Variants in CUL4B observed in about 807,000 individuals in gnomAD.
The protein encoded by CUL4B is cullin 4B.
CUL4B carries 1 observed loss-of-function variant against 69.2 expected under a neutral mutation model. The observed-to-expected ratio is 0.01, with a 90% confidence interval of 0.01 to 0.07. The LOEUF (loss-of-function observed/expected upper bound fraction) is 0.07, where lower values mean the gene tolerates loss of function less well. Ranked by LOEUF, CUL4B falls within the 10% of genes least tolerant of loss-of-function variation. CUL4B has a pLI of 1.00. For missense variants in CUL4B, 328 were observed against 638.8 expected, an observed-to-expected ratio of 0.51 and a Z score of 5.24; for synonymous variants, 237 against 223.2, an observed-to-expected ratio of 1.06 and a Z score of -0.55.
upstream of CUL4B, among the ~76,000 whole-genome samples, chrX:120,565,009 G>A (rs1174843855): frequency 1.8e-5 from 2 of 112,599 alleles, no homozygotes; most frequent in African/African-American, 6.5e-5. Flanking sequence ...TATGTGTAAA[G>A]GAAGAAATAC....
At chrX:120,551,332 G>C (rs906779740) in intron 2 of CUL4B, among the ~76,000 whole-genome samples, 1 of 109,985 alleles carries the variant, frequency 9.1e-6, no homozygotes, top group Admixed American at 9.7e-5. Flanking sequence ...CAAGTAGCTG[G>C]GATTACAAGC....
chrX:120,535,726 A>AG (rs1293965333), intron 16 of CUL4B, 104 bp downstream of exon 16: 3 of 464,129 alleles, frequency 6.5e-6, no homozygotes, highest in South Asian at 2.9e-5. Flanking sequence ...AAAAAAAAAA[A>AG]AAGAAGAAAA....
chrX:120,560,034 T>G (rs769768844), intron 1 of CUL4B, 49 bp downstream of exon 1: 2 of 1,211,346 alleles, frequency 1.7e-6, no homozygotes, highest in South Asian at 3.5e-5. Context: ...ACGTGACCCC[T>G]CGAGTGTCAA....
At position 120,560,535 on chromosome X, in the gene CUL4B, G is replaced by C; in HGVS notation, c.104C>G (p.Ser35Cys). ...GCTGTTTAACTTTCTCTTCTTGGCA[G>C]AGGTGGGCGGAGTGGTGCTGGTATT... ...DGNTSTTPPTSAKKRKLNSSS... is the reference protein window; with the variant it reads ...DGNTSTTPPTCAKKRKLNSSS... Residue 35 changes from serine to cysteine, a missense_variant, in exon 1 of 20, where the codon TCT becomes TGT. This residue lies in a region of CUL4B where 102 missense variants were observed against 122.1 expected (regional missense o/e 0.84). Coordinates refer to ENST00000371322, the MANE Select transcript of CUL4B (RefSeq NM_001079872.2). 3 of 1,208,749 alleles carry C rather than the reference G, an allele frequency of 2.5e-6. No individual in the cohort carries two copies.
upstream of CUL4B, among the ~76,000 whole-genome samples, chrX:120,565,437 A>G (rs1925466066): frequency 9.2e-6 from 1 of 109,237 alleles, no homozygotes; most frequent in Non-Finnish European, 1.9e-5. Context: ...TAATCCCAGC[A>G]CTTTGGGAGG....
intron 2 of CUL4B, among the ~76,000 whole-genome samples, chrX:120,557,410 C>A (rs1420875332): frequency 9.0e-6 from 1 of 111,727 alleles, no homozygotes; most frequent in Admixed American, 9.5e-5. Flanking sequence ...TGCTGGACTA[C>A]AAACTGCTAC....
In CUL4B at chrX:120,523,927, T is replaced by C. The variant is rs181051838; in HGVS notation, c.*2834A>G. ...TGGCAATTTTATGTAAATAAGAGAA[T>C]AGAACACGCTCACAACACTCCTGCC... On this transcript the variant is annotated 3_prime_UTR_variant, in exon 20 of 20. Coordinates refer to ENST00000371322, the MANE Select transcript of CUL4B (RefSeq NM_001079872.2). 9.0e-6 allele frequency among the ~76,000 whole-genome samples: 1 copy of C among 111,679 alleles called. No individual in the cohort carries two copies. The highest frequency in any genetic ancestry group is 3.2e-5 in the African/African-American group (1 of 30,832).
intron 19 of CUL4B, among the ~76,000 whole-genome samples, chrX:120,529,127 G>A (rs533223541): frequency 1.8e-5 from 2 of 111,475 alleles, no homozygotes; most frequent in Non-Finnish European, 3.8e-5. Flanking sequence ...TAACTACAGC[G>A]ATCCCCTAAT....
chrX:120,573,783 T>C (rs1925777863), intron 2 of CUL4B, among the ~76,000 whole-genome samples: 1 of 112,479 alleles, frequency 8.9e-6, no homozygotes, highest in Non-Finnish European at 1.9e-5. Context: ...TTATTAATTG[T>C]TTCATTACGC....
chrX:120,541,490 ACT>A (rs1923990487), intron 10 of CUL4B, 110 bp downstream of exon 10: 1 of 576,603 alleles, frequency 1.7e-6, no homozygotes, highest in African/African-American at 2.3e-5. Context: ...CGAGAGCAAA[ACT>A]CTGTCTCAAA....
intron 2 of CUL4B, among the ~76,000 whole-genome samples, chrX:120,572,301 T>A (rs1462329607): frequency 2.8e-5 from 3 of 108,232 alleles, no homozygotes; most frequent in African/African-American, 1.0e-4. Flanking sequence ...CTGTCTTTAC[T>A]TAAAAAATAT....
At chrX:120,573,103 G>A (rs1287210517) in intron 2 of CUL4B, among the ~76,000 whole-genome samples, 1 of 111,653 alleles carries the variant, frequency 9.0e-6, no homozygotes. Flanking sequence ...AATTAAAAGT[G>A]TCTTTTACCT....
chrX:120,537,628 C>T (rs1044134017), intron 14 of CUL4B, among the ~76,000 whole-genome samples: 1 of 112,008 alleles, frequency 8.9e-6, no homozygotes, highest in Non-Finnish European at 1.9e-5. Context: ...GTAAAGAAGT[C>T]ACTACTAAAA....
chrX:120,574,560 T>C, exon 2 of CUL4B: 1 of 1,202,672 alleles, frequency 8.3e-7, no homozygotes, highest in East Asian at 3.0e-5. Flanking sequence ...CCACCGTCTT[T>C]AGAGGTAGTA....
chrX:120,556,418 T>C (rs1463904901), intron 2 of CUL4B, among the ~76,000 whole-genome samples: 1 of 112,151 alleles, frequency 8.9e-6, no homozygotes, highest in African/African-American at 3.2e-5. Flanking sequence ...TGATACCATC[T>C]TATATTTGTA....
downstream of CUL4B, among the ~76,000 whole-genome samples, chrX:120,567,360 CAGGTGAT>C (rs1925585770): frequency 9.1e-6 from 1 of 109,740 alleles, no homozygotes; most frequent in Non-Finnish European, 1.9e-5. Flanking sequence ...CTCCTGACCT[CAGGTGAT>C]CCGCCCACCT....
chrX:120,552,189 A>G (rs1299134434), intron 2 of CUL4B, among the ~76,000 whole-genome samples: 1 of 112,392 alleles, frequency 8.9e-6, no homozygotes, highest in East Asian at 2.8e-4. Flanking sequence ...CTTGCCTCAC[A>G]AACAACTATT....
At position 120,532,533 on chromosome X, in the gene CUL4B, C is replaced by T. The variant is rs1232887429; in HGVS notation, c.2328G>A (p.Ala776=). 10 of 1,207,456 alleles carry T rather than the reference C, an allele frequency of 8.3e-6. No homozygotes were observed. Among genetic ancestry groups the T allele is most frequent in the Middle Eastern group, 2.3e-4 (1 of 4,373 alleles). Residue 776 remains alanine, a synonymous_variant, in exon 18 of 20, where the codon GCG becomes GCA. Transcript: ENST00000371322. ...SLACGKARVL[A]KNPKGKDIED... is the part of the protein sequence containing the mutation. The stretch of plus-strand genomic sequence containing the variant: ...CAATGTCTTTGCCCTTTGGATTTTT[C>T]GCCAGAACTCTAGCTTTGCCACAGG...
intron 1 of CUL4B, 137 bp from the exon 2 acceptor site, chrX:120,558,176 C>G: frequency 2.2e-6 from 1 of 451,514 alleles, no homozygotes; most frequent in South Asian, 3.4e-5. Context: ...ATTAAAGTAA[C>G]CACTGTATTT....
Sources: allele counts gnomAD v4.1 joint callset (sites outside exome capture counted in the v4.1 genomes callset), GRCh38; gene constraint gnomAD v4.1.1; regional missense constraint gnomAD v4.1.1; transcripts MANE v1.5; gene names NCBI Gene and HGNC (gene_info 2026-07-23, HGNC 2026-07-21).